Variants in NME7 observed in about 807,000 individuals in gnomAD.
The protein encoded by NME7 is NME/NM23 family member 7, also known as nucleoside diphosphate kinase 7.
Under a neutral mutation model 49.1 loss-of-function variants are expected in NME7, and 41 were observed. The ratio of observed to expected loss-of-function variants is 0.83; its 90% confidence interval spans 0.65 to 1.08. NME7 has a LOEUF of 1.08. Ranked by LOEUF, NME7 falls within the 50% of genes least tolerant of loss-of-function variation. The pLI is 0.00. For synonymous variants in NME7, 139 were observed against 150.6 expected (o/e 0.92, Z 0.56); for missense variants, 423 against 463.4 (o/e 0.91, Z 0.80).
At chr1:169,233,159 A>G (rs1336616794) in intron 9 of NME7, among the ~76,000 whole-genome samples, 1 of 151,746 alleles carries the variant, frequency 6.6e-6, no homozygotes, top group African/African-American at 2.4e-5. Flanking sequence ...TATAGCATAT[A>G]TAGATGTAAA....
At chr1:169,306,124 C>T (rs1007091949) in intron 4 of NME7, among the ~76,000 whole-genome samples, 3 of 152,100 alleles carry the variant, frequency 2.0e-5, no homozygotes, top group Admixed American at 1.3e-4. Flanking sequence ...TGATAAAGCA[C>T]AACATGTTCA....
chr1:169,237,447 G>A (rs1308709729), intron 8 of NME7, among the ~76,000 whole-genome samples, 176 bp downstream of exon 8: 1 of 151,966 alleles, frequency 6.6e-6, no homozygotes, highest in Admixed American at 6.6e-5. Context: ...TATTATATGG[G>A]AAAAATCATT....
intron 10 of NME7, among the ~76,000 whole-genome samples, chr1:169,181,934 G>A (rs1031356101): frequency 1.3e-5 from 2 of 151,890 alleles, no homozygotes; most frequent in Non-Finnish European, 2.9e-5. Flanking sequence ...TACTGCCTAG[G>A]GTCCACTCCA....
At chr1:169,222,767 AC>A (rs1661183216) in intron 10 of NME7, among the ~76,000 whole-genome samples, 1 of 152,228 alleles carries the variant, frequency 6.6e-6, no homozygotes, top group Admixed American at 6.5e-5. Context: ...TAAAAACTTG[AC>A]ATTTTAAGTT....
intron 10 of NME7, among the ~76,000 whole-genome samples, chr1:169,221,648 G>C (rs1351708373): frequency 6.6e-6 from 1 of 151,588 alleles, no homozygotes; most frequent in Non-Finnish European, 1.5e-5. Flanking sequence ...CTGTGTGCCA[G>C]GTAGTATATG....
At chr1:169,207,877 C>A (rs1016133679) in intron 10 of NME7, among the ~76,000 whole-genome samples, 3 of 152,034 alleles carry the variant, frequency 2.0e-5, no homozygotes, top group Admixed American at 2.0e-4. Context: ...TCCTGTTTAT[C>A]TTTTTTCTCT....
intron 2 of NME7, among the ~76,000 whole-genome samples, chr1:169,324,034 T>C (rs997697401): frequency 1.3e-5 from 2 of 151,826 alleles, no homozygotes; most frequent in African/African-American, 4.8e-5. Context: ...TTTGTATCTT[T>C]AGTAGAGATG....
intron 11 of NME7, among the ~76,000 whole-genome samples, chr1:169,147,820 C>T (rs1379062896): frequency 6.6e-6 from 1 of 152,142 alleles, no homozygotes; most frequent in Non-Finnish European, 1.5e-5. Flanking sequence ...GGATAAGATA[C>T]TTTCAAGATG....
intron 11 of NME7, among the ~76,000 whole-genome samples, chr1:169,159,451 AAATT>A (rs58972710): frequency 0.014 from 2,156 of 152,242 alleles, 44 homozygotes; most frequent in African/African-American, 0.047. Context: ...AGTGACCAGA[AAATT>A]AATTATTAAT....
chr1:169,160,787 C>T (rs1385454956), intron 11 of NME7, among the ~76,000 whole-genome samples: 2 of 152,118 alleles, frequency 1.3e-5, no homozygotes, highest in East Asian at 1.9e-4. Context: ...GGTACTATCA[C>T]GTTTGCTTGG....
chr1:169,269,144 T>C (rs190741771), intron 7 of NME7, among the ~76,000 whole-genome samples: 1 of 133,398 alleles, frequency 7.5e-6, no homozygotes, highest in African/African-American at 2.5e-5. Flanking sequence ...ACTCTTGAGA[T>C]TCCTTCTAAA....
intron 1 of NME7, among the ~76,000 whole-genome samples, chr1:169,350,534 T>C (rs543504742): frequency 2.0e-5 from 3 of 151,976 alleles, no homozygotes; most frequent in East Asian, 3.9e-4. Context: ...CCCTGGATGT[T>C]TCTCTCTTTT....
intron 8 of NME7, among the ~76,000 whole-genome samples, chr1:169,237,022 G>T (rs1647884147): frequency 6.6e-6 from 1 of 152,050 alleles, no homozygotes; most frequent in Non-Finnish European, 1.5e-5. Flanking sequence ...ACAAAGGTAT[G>T]ACCTCTACCA....
intron 1 of NME7, among the ~76,000 whole-genome samples, chr1:169,338,899 G>A (rs977193830): frequency 1.3e-5 from 2 of 152,008 alleles, no homozygotes; most frequent in South Asian, 2.1e-4. Flanking sequence ...GTTTCTTCAC[G>A]GGCAGACTGA....
chr1:169,136,991 C>T (rs973344279), intron 11 of NME7, among the ~76,000 whole-genome samples: 38 of 152,322 alleles, frequency 2.5e-4, no homozygotes, highest in African/African-American at 4.8e-4. Flanking sequence ...GAGAATCTAT[C>T]GCACAGTTGT....
chr1:169,152,174 T>C (rs1337707375), intron 11 of NME7, among the ~76,000 whole-genome samples: 1 of 152,188 alleles, frequency 6.6e-6, no homozygotes, highest in Non-Finnish European at 1.5e-5. Flanking sequence ...GACTCTACTA[T>C]ATTTATTTTC....
chr1:169,341,650 T>A (rs1304821659), intron 1 of NME7, among the ~76,000 whole-genome samples: 1 of 152,012 alleles, frequency 6.6e-6, no homozygotes, highest in Admixed American at 6.6e-5. Flanking sequence ...ATGGGGACTG[T>A]CCCCTACAGA....
intron 10 of NME7, among the ~76,000 whole-genome samples, chr1:169,173,196 A>G (rs546541801): frequency 6.6e-6 from 1 of 152,354 alleles, no homozygotes; most frequent in Admixed American, 6.5e-5. Flanking sequence ...GACAAGGATA[A>G]AATAGAATCT....
intron 10 of NME7, among the ~76,000 whole-genome samples, chr1:169,192,242 G>A: frequency 6.6e-6 from 1 of 152,164 alleles, no homozygotes; most frequent in South Asian, 2.1e-4. Flanking sequence ...CAAGATTGGG[G>A]CAGCTGGAGA....
Sources: allele counts gnomAD v4.1 joint callset (sites outside exome capture counted in the v4.1 genomes callset), GRCh38; gene constraint gnomAD v4.1.1; transcripts MANE v1.5; gene names NCBI Gene and HGNC (gene_info 2026-07-23, HGNC 2026-07-21).